The following PTPRD variants were observed in gnomAD, a reference collection of about 807,000 sequenced individuals.
PTPRD encodes receptor-type tyrosine-protein phosphatase delta.
Under a neutral mutation model 214.5 loss-of-function variants are expected in PTPRD, and 34 were observed. The observed-to-expected ratio is 0.16, with a 90% CI of 0.12 to 0.21. The LOEUF is 0.21. Ranked by LOEUF, PTPRD falls within the 10% of genes least tolerant of loss-of-function variation. The pLI is 1.00. For missense variants in PTPRD, 2,545 were observed against 2,398.7 expected, an observed-to-expected ratio of 1.06 and a Z score of -1.27; for synonymous variants, 1,128 against 845.7, an observed-to-expected ratio of 1.33 and a Z score of -5.79.
intron 3 of PTPRD, among the ~76,000 whole-genome samples, chr9:10,049,436 A>AAAGAAAGAAAGAAAGAAAG (rs1350772464): frequency 7.6e-6 from 1 of 131,810 alleles, no homozygotes; most frequent in African/African-American, 3.0e-5. Context: ...AGAAAGAAAG[A>AAAGAAAGAAAGAAAGAAAG]AAAGAAAAAA....
intron 14 of PTPRD, among the ~76,000 whole-genome samples, chr9:8,537,924 T>G (rs1030322904): frequency 6.6e-6 from 1 of 152,050 alleles, no homozygotes; most frequent in Non-Finnish European, 1.5e-5. Context: ...TAAGGCATAC[T>G]GTTATTAGTG....
chr9:9,459,014 T>A (rs1255666522), intron 8 of PTPRD, among the ~76,000 whole-genome samples: 1 of 151,970 alleles, frequency 6.6e-6, no homozygotes, highest in East Asian at 1.9e-4. Context: ...GGTCATGCTT[T>A]AAATGGAAAA....
intron 8 of PTPRD, among the ~76,000 whole-genome samples, chr9:9,444,003 A>T (rs866849764): frequency 6.6e-6 from 1 of 152,198 alleles, no homozygotes; most frequent in African/African-American, 2.4e-5. Flanking sequence ...AAATAAAATC[A>T]TATGGACTTT....
At chr9:10,042,663 G>C (rs1429754782) in intron 3 of PTPRD, among the ~76,000 whole-genome samples, 3 of 151,794 alleles carry the variant, frequency 2.0e-5, no homozygotes, top group Admixed American at 1.3e-4. Flanking sequence ...AAAGAACTGA[G>C]AAAATTGGAG....
intron 8 of PTPRD, among the ~76,000 whole-genome samples, chr9:9,413,304 CG>C (rs2076073449): frequency 6.7e-6 from 1 of 148,348 alleles, no homozygotes; most frequent in African/African-American, 2.5e-5. Flanking sequence ...TTAGTAGAGA[CG>C]GGGTTTCACC....
rs1246261539 is a variant in PTPRD at position 10,509,557 on chromosome 9, T to TTATATTTATATATATATATATATATA, written c.-600+102840_-600+102841insTATATATATATATATATATAAATATA. On this transcript the variant is annotated intron_variant, in intron 2 of 45. Transcript: ENST00000381196. ...TAAATATATTTACATTTAATAAATA[T>TTATATTTATATATATATATATATATA]TATATATATATATATATATATATTT... Among the ~76,000 whole-genome samples the TTATATTTATATATATATATATATATA allele has an allele frequency of 2.3e-3, 246 of 106,660 alleles. 3 individuals carry two copies. The highest frequency in any genetic ancestry group is 6.6e-3 in the African/African-American group (167 of 25,136). 70.0% of individuals were successfully genotyped at this position (106,660 alleles called of 152,430 possible). A position where few individuals can be genotyped will look rare whatever the true frequency, so the allele number is the denominator to read the frequency against.
At chr9:9,630,824 G>C (rs1277042825) in intron 7 of PTPRD, among the ~76,000 whole-genome samples, 1 of 152,100 alleles carries the variant, frequency 6.6e-6, no homozygotes, top group East Asian at 1.9e-4. Flanking sequence ...TCAGGAATTA[G>C]ATAGTAAGCA....
intron 7 of PTPRD, among the ~76,000 whole-genome samples, chr9:9,698,386 G>A (rs2097423466): frequency 6.6e-6 from 1 of 152,170 alleles, no homozygotes; most frequent in Admixed American, 6.6e-5. Context: ...GCCCGGGTTT[G>A]TCTTGGCTTT....
intron 11 of PTPRD, among the ~76,000 whole-genome samples, chr9:8,820,899 T>C (rs10115341): frequency 0.71 from 108,470 of 152,084 alleles, 39,225 homozygotes; most frequent in African/African-American, 0.84. Context: ...AGTCTACTTA[T>C]TTTTCTAACT....
At chr9:9,378,045 T>C (rs1300663858) in intron 9 of PTPRD, among the ~76,000 whole-genome samples, 3 of 152,084 alleles carry the variant, frequency 2.0e-5, no homozygotes, top group South Asian at 4.1e-4. Context: ...CAGACTGATA[T>C]ATTTGTTACC....
At chr9:9,483,289 A>C (rs1223195012) in intron 8 of PTPRD, among the ~76,000 whole-genome samples, 4 of 152,150 alleles carry the variant, frequency 2.6e-5, no homozygotes. Flanking sequence ...AGCTGTCACT[A>C]GTAATTTCAT....
In PTPRD at chr9:8,807,922, C is replaced by T. The variant is rs558637914; in HGVS notation, c.-103-73976G>A. Among the ~76,000 whole-genome samples the T allele has an allele frequency of 3.2e-4, 49 of 152,236 alleles. No individual in the cohort carries two copies. The Middle Eastern group carries it at 0.01, about 32-fold the overall frequency. The stretch of plus-strand genomic sequence containing the variant: ...AAGAGAATCTGTATTCCACTGAATG[C>T]ACTAATTCAGTCTAGTGTACTCACT... On this transcript the variant is annotated intron_variant, in intron 11 of 45. Transcript: ENST00000381196.
At chr9:10,467,166 G>T (rs1344973682) in intron 2 of PTPRD, among the ~76,000 whole-genome samples, 4 of 152,142 alleles carry the variant, frequency 2.6e-5, no homozygotes, top group African/African-American at 9.7e-5. Flanking sequence ...AGAGTACAGT[G>T]AGAAGAGTAT....
intron 7 of PTPRD, among the ~76,000 whole-genome samples, chr9:9,585,883 T>A (rs564257599): frequency 6.6e-6 from 1 of 151,956 alleles, no homozygotes; most frequent in East Asian, 1.9e-4. Flanking sequence ...TGTGTTCTGA[T>A]TGGAGATAAA....
chr9:9,703,010 G>A (rs72708430), intron 7 of PTPRD, among the ~76,000 whole-genome samples: 19,863 of 152,096 alleles, frequency 0.13, 1,720 homozygotes, highest in Middle Eastern at 0.29. Flanking sequence ...TTGGCTCTGT[G>A]TCCCCACCCA....
chr9:9,969,286 G>C (rs1470567236), intron 4 of PTPRD, among the ~76,000 whole-genome samples: 1 of 152,106 alleles, frequency 6.6e-6, no homozygotes, highest in Non-Finnish European at 1.5e-5. Flanking sequence ...AGATGAAGCT[G>C]AACACTAGCA....
chr9:8,774,606 C>T lies in PTPRD; in HGVS notation c.-103-40660G>A, dbSNP rs559951249. Among the ~76,000 whole-genome samples, 3 of 143,342 alleles carry T rather than the reference C, an allele frequency of 2.1e-5. No homozygotes were observed. The Admixed American group carries it at 2.3e-4, about 11-fold the overall frequency. The allele number at this position is 143,342 out of a possible 152,430, so 94.0% of individuals were successfully genotyped here. On this transcript the variant is annotated intron_variant, in intron 11 of 45. Coordinates refer to ENST00000381196, the MANE Select transcript of PTPRD (RefSeq NM_002839.4). ...CTGGAGTGCAATGGCGCAATCTCGG[C>T]CCACTGCAACCTCCGCCTCCTGGGT...
intron 10 of PTPRD, among the ~76,000 whole-genome samples, chr9:9,096,669 T>C (rs567286790): frequency 6.6e-6 from 1 of 152,320 alleles, no homozygotes; most frequent in African/African-American, 2.4e-5. Context: ...TTTACCCAGA[T>C]GATATAGATA....
chr9:9,666,584 T>G (rs115711977), intron 7 of PTPRD, among the ~76,000 whole-genome samples: 1,625 of 152,120 alleles, frequency 0.011, 31 homozygotes, highest in African/African-American at 0.037. Context: ...CATGTGTCTT[T>G]GAAGTCATTG....
Sources: allele counts gnomAD v4.1 joint callset (sites outside exome capture counted in the v4.1 genomes callset), GRCh38; gene constraint gnomAD v4.1.1; transcripts MANE v1.5; gene names NCBI Gene and HGNC (gene_info 2026-07-23, HGNC 2026-07-21).